RBPMS: variants seen among roughly 807,000 people sequenced by gnomAD.
RBPMS encodes RNA-binding protein with multiple splicing.
Under a neutral mutation model 26.8 loss-of-function variants are expected in RBPMS, and 7 were observed. That is an observed-to-expected ratio of 0.26 (90% confidence interval 0.15 to 0.49). The LOEUF (loss-of-function observed/expected upper bound fraction) is 0.49. Among genes scored for constraint, RBPMS ranks in the 20% least tolerant of loss-of-function variants. RBPMS has a pLI of 0.98. For synonymous variants in RBPMS, 96 were observed against 93.3 expected, an observed-to-expected ratio of 1.03 and a Z score of -0.17; for missense variants, 186 against 250.0, an observed-to-expected ratio of 0.74 and a Z score of 1.73.
chr8:30,559,015 G>A (rs919404308), intron 7 of RBPMS, 59 bp downstream of exon 7: 18 of 1,421,132 alleles, frequency 1.3e-5, no homozygotes, highest in Non-Finnish European at 1.8e-5. Flanking sequence ...TGTACATGGT[G>A]GGTGCGCCAT....
In RBPMS at chr8:30,462,677, C is replaced by T. The variant is rs193232008; in HGVS notation, c.67-12102C>T. 6.6e-5 allele frequency among the ~76,000 whole-genome samples: 10 copies of T among 152,160 alleles called. No homozygotes were observed. The East Asian group carries it at 1.9e-3, about 29-fold the overall frequency. ...TCCTGACCTCAAGTGATCGGCCATC[C>T]CAGCCTCCCAAAGTGCTGGGATCAC... On this transcript the variant is annotated intron_variant, in intron 1 of 8. Coordinates refer to ENST00000397323, the MANE Select transcript of RBPMS (RefSeq NM_001008710.3).
chr8:30,387,796 TATCA>T (rs1427929140), intron 1 of RBPMS, among the ~76,000 whole-genome samples: 1 of 152,220 alleles, frequency 6.6e-6, no homozygotes, highest in African/African-American at 2.4e-5. Context: ...GAATTCCTTC[TATCA>T]ATCAGTGTAT....
At chr8:30,438,073 T>C (rs1364329383) in intron 1 of RBPMS, among the ~76,000 whole-genome samples, 2 of 152,236 alleles carry the variant, frequency 1.3e-5, no homozygotes, top group Admixed American at 6.5e-5. Context: ...ATTCCTATCT[T>C]CCCCTTTCCT....
chr8:30,474,794 G>T lies in RBPMS; in HGVS notation c.82G>T (p.Val28Phe), dbSNP rs564361009. The T allele has an allele frequency of 1.2e-6, 2 of 1,611,706 alleles. No individual in the cohort carries two copies. The change falls in exon 2 of 9, where the codon GTC (valine) becomes TTC (phenylalanine). Residue 28 changes from valine to phenylalanine, a missense_variant. By Grantham distance (50) the Val-to-Phe change is conservative. Around this residue, in one of 3 missense-constraint regions of RBPMS, gnomAD observed 50 missense variants for 108.5 expected, o/e 0.46. Transcript: ENST00000397323. The part of the protein sequence containing the change: ...LQEEEVRTLF[V>F]SGLPLDIKPR... Reference sequence around the variant, plus strand: ...ATTTTTCCAGGTCCGGACCCTATTTGTCAGTGGCCTTCCTCTGGATATCAA... The same window carrying T: ...ATTTTTCCAGGTCCGGACCCTATTTTTCAGTGGCCTTCCTCTGGATATCAA...
chr8:30,456,347 AGCGCT>A (rs1381211464), intron 1 of RBPMS, among the ~76,000 whole-genome samples: 15 of 152,300 alleles, frequency 9.8e-5, no homozygotes, highest in African/African-American at 3.4e-4. Flanking sequence ...CAGTTGTCTA[AGCGCT>A]GCTTACACTC....
intron 5 of RBPMS, among the ~76,000 whole-genome samples, chr8:30,521,535 G>C (rs1194255710): frequency 6.6e-6 from 1 of 152,194 alleles, no homozygotes; most frequent in Non-Finnish European, 1.5e-5. Flanking sequence ...CTTGGTATGG[G>C]AATGCTTATT....
intron 1 of RBPMS, among the ~76,000 whole-genome samples, chr8:30,452,954 A>G (rs1814760229): frequency 6.6e-6 from 1 of 152,210 alleles, no homozygotes; most frequent in South Asian, 2.1e-4. Flanking sequence ...ATTGAGGGTT[A>G]CTGTTCTTAA....
At chr8:30,420,854 G>GTTCAGA (rs1209995375) in intron 1 of RBPMS, among the ~76,000 whole-genome samples, 5 of 152,180 alleles carry the variant, frequency 3.3e-5, no homozygotes, top group Non-Finnish European at 7.3e-5. Flanking sequence ...CAGAGTTGAA[G>GTTCAGA]GGTCATCAGG....
At chr8:30,426,982 G>A (rs944463505) in intron 1 of RBPMS, among the ~76,000 whole-genome samples, 2 of 152,050 alleles carry the variant, frequency 1.3e-5, no homozygotes, top group African/African-American at 4.8e-5. Context: ...TTGAGAAGGG[G>A]TCTCGCTTTG....
At chr8:30,436,460 C>T (rs1270675681) in intron 1 of RBPMS, among the ~76,000 whole-genome samples, 3 of 152,202 alleles carry the variant, frequency 2.0e-5, no homozygotes, top group Admixed American at 6.5e-5. Context: ...TCTCTACCTC[C>T]CTCAACTACT....
At chr8:30,392,000 G>GA (rs780671428) in intron 1 of RBPMS, among the ~76,000 whole-genome samples, 2 of 152,004 alleles carry the variant, frequency 1.3e-5, no homozygotes, top group East Asian at 3.9e-4. Context: ...CTGAAGCCCT[G>GA]AAAAGCTATG....
intron 1 of RBPMS, among the ~76,000 whole-genome samples, chr8:30,420,398 C>G (rs1810627743): frequency 6.6e-6 from 1 of 152,136 alleles, no homozygotes; most frequent in Non-Finnish European, 1.5e-5. Flanking sequence ...GTCAGCTGGA[C>G]TTATAAACAT....
intron 1 of RBPMS, among the ~76,000 whole-genome samples, chr8:30,462,054 C>A (rs1203536184): frequency 6.6e-6 from 1 of 152,012 alleles, no homozygotes; most frequent in Non-Finnish European, 1.5e-5. Flanking sequence ...GATTAGTATC[C>A]CATGTTATGG....
rs753001749 is a variant in RBPMS at position 30,562,327 on chromosome 8, GAAAAAAAA to G, written c.*7+3381_*7+3388del. ...GCCTGGGCGACAGAGCAAGACTGTC[GAAAAAAAA>G]AAAAAAAAAGAGTATGTAATGTCTC... On this transcript the variant is annotated intron_variant, in intron 7 of 8. Coordinates refer to ENST00000397323, the MANE Select transcript of RBPMS (RefSeq NM_001008710.3). 2.9e-3 allele frequency among the ~76,000 whole-genome samples: 303 copies of G among 103,388 alleles called. 4 individuals carry two copies. The highest frequency in any genetic ancestry group is 0.012 in the African/African-American group (291 of 24,598). The allele number at this position is 103,388 out of a possible 152,430, so 67.8% of individuals were successfully genotyped here. A position where few individuals can be genotyped will look rare whatever the true frequency, so the allele number is the denominator to read the frequency against.
At chr8:30,411,648 G>C (rs1341299708) in intron 1 of RBPMS, among the ~76,000 whole-genome samples, 5 of 133,296 alleles carry the variant, frequency 3.8e-5, no homozygotes, top group African/African-American at 8.8e-5. Context: ...CTGGGTGACA[G>C]CAAGACCCTG....
At chr8:30,430,242 G>A (rs1811783143) in intron 1 of RBPMS, among the ~76,000 whole-genome samples, 1 of 152,062 alleles carries the variant, frequency 6.6e-6, no homozygotes. Context: ...ATGGATGGAT[G>A]GATAGATAAA....
intron 8 of RBPMS, among the ~76,000 whole-genome samples, chr8:30,567,331 C>T (rs537974119): frequency 6.6e-6 from 1 of 152,310 alleles, no homozygotes; most frequent in African/African-American, 2.4e-5. Flanking sequence ...ACTGGGCGAC[C>T]CACCTCCCAC....
chr8:30,527,610 C>T (rs1823730573), intron 5 of RBPMS, among the ~76,000 whole-genome samples: 1 of 152,126 alleles, frequency 6.6e-6, no homozygotes, highest in Non-Finnish European at 1.5e-5. Context: ...ACTGTGTGTG[C>T]TGTGGGCTTC....
intron 7 of RBPMS, among the ~76,000 whole-genome samples, chr8:30,563,548 T>A (rs911197539): frequency 2.0e-5 from 3 of 152,166 alleles, no homozygotes; most frequent in Admixed American, 1.3e-4. Flanking sequence ...TTCCTGGCCA[T>A]GGACCGGGAC....
Sources: gnomAD v4.1 joint callset for allele counts (sites outside exome capture counted in the v4.1 genomes callset) on GRCh38, gnomAD v4.1.1 for gene constraint, gnomAD v4.1.1 regional missense constraint, MANE v1.5 for transcripts, NCBI Gene and HGNC (gene_info 2026-07-23, HGNC 2026-07-21) for gene names.